Variants in MOK observed in about 807,000 individuals in gnomAD.
MOK encodes MOK protein kinase.
MOK carries 59 observed loss-of-function variants against 54.2 expected under a neutral mutation model. That is an observed-to-expected ratio of 1.09 (90% CI 0.88 to 1.35). The LOEUF (loss-of-function observed/expected upper bound fraction) is 1.35. MOK is among the 40% of genes most tolerant of loss of function. The pLI is 0.00. For missense variants in MOK, 517 were observed against 526.2 expected (o/e 0.98, Z 0.17); for synonymous variants, 210 against 202.7 (o/e 1.04, Z -0.31).
At position 102,229,541 on chromosome 14, in the gene MOK, G is replaced by A. The variant is rs148491268; in HGVS notation, c.1098C>T (p.Pro366=). ...GVVRLSSYSS[P]TLQSVLGSGT... is the part of the protein sequence containing the mutation. ...CAGATCCAAGCACGGACTGCAGCGT[G>A]GGGCTGGAGTAAGACGACAGTCTGA... Residue 366 remains proline (P), a synonymous_variant, in exon 11 of 12, where the codon CCC becomes CCT. Transcript: ENST00000361847. The A allele has an allele frequency of 6.8e-6, 11 of 1,614,054 alleles. No homozygotes were observed. Among genetic ancestry groups the A allele is most frequent in the African/African-American group, 1.3e-5 (1 of 74,942 alleles).
At chr14:102,293,759 T>C (rs921510364) in intron 1 of MOK, among the ~76,000 whole-genome samples, 7 of 126,400 alleles carry the variant, frequency 5.5e-5, no homozygotes, top group African/African-American at 2.0e-4. Context: ...AAAGACTGAA[T>C]ATAAATATGT....
chr14:102,278,044 C>T (rs768389174), intron 2 of MOK, among the ~76,000 whole-genome samples: 6 of 152,016 alleles, frequency 3.9e-5, no homozygotes, highest in South Asian at 2.1e-4. Context: ...AGAGAACATG[C>T]GACCTCTCTC....
At chr14:102,284,816 G>A (rs1370984605) in intron 1 of MOK, among the ~76,000 whole-genome samples, 1 of 152,048 alleles carries the variant, frequency 6.6e-6, no homozygotes, top group East Asian at 1.9e-4. Flanking sequence ...GGTGGCTCAC[G>A]CCTGTAATCC....
chr14:102,241,811 C>G (rs1185399455), intron 7 of MOK, among the ~76,000 whole-genome samples: 3 of 152,208 alleles, frequency 2.0e-5, no homozygotes, highest in South Asian at 4.1e-4. Flanking sequence ...AGACAAACCC[C>G]AGCCACATCT....
intron 1 of MOK, among the ~76,000 whole-genome samples, chr14:102,292,730 T>C (rs2070902331): frequency 6.6e-6 from 1 of 151,852 alleles, no homozygotes. Flanking sequence ...TCTTGTGCCA[T>C]TACACTTAGA....
intron 4 of MOK, among the ~76,000 whole-genome samples, chr14:102,261,296 G>T (rs1449636866): frequency 1.5e-5 from 2 of 134,002 alleles, no homozygotes; most frequent in Admixed American, 7.8e-5. Flanking sequence ...GCACATGCCT[G>T]TAGTCCCAGC....
At chr14:102,267,647 G>A (rs1261293767) in intron 2 of MOK, among the ~76,000 whole-genome samples, 1 of 152,154 alleles carries the variant, frequency 6.6e-6, no homozygotes, top group Non-Finnish European at 1.5e-5. Context: ...TATTTAAGAA[G>A]AGCCTGAAAA....
chr14:102,271,120 G>A (rs886310859), intron 2 of MOK, among the ~76,000 whole-genome samples: 1 of 152,192 alleles, frequency 6.6e-6, no homozygotes, highest in South Asian at 2.1e-4. Flanking sequence ...AGGAGGCAGA[G>A]GTTGCAGCTA....
downstream of MOK, among the ~76,000 whole-genome samples, chr14:102,222,334 C>A (rs1032160980): frequency 6.6e-6 from 1 of 152,250 alleles, no homozygotes; most frequent in Non-Finnish European, 1.5e-5. The surrounding 1 kb of genome is among the most constrained non-coding windows in gnomAD (Gnocchi z 4.4). Context: ...TCACACCACC[C>A]AACAAAGCAA....
intron 4 of MOK, among the ~76,000 whole-genome samples, chr14:102,257,391 T>C (rs536866635): frequency 6.6e-6 from 1 of 151,880 alleles, no homozygotes; most frequent in African/African-American, 2.4e-5. Flanking sequence ...GAGAGCAGAG[T>C]TGTGAGAAGC....
rs755543077 is a variant in MOK, at chr14:102,229,593, A to C, written c.1046T>G (p.Leu349Arg). The change falls in exon 11 of 12, where the codon CTG becomes CGG. Residue 349 changes from leucine (L) to arginine (R), a missense_variant. Physicochemically the swap from Leu to Arg is moderately radical, Grantham distance 102. Coordinates refer to ENST00000361847, the MANE Select transcript of MOK (RefSeq NM_014226.3). ...KRRGPAYVME[L>R]PKLKLSGVVR... is the part of the protein sequence containing the mutation. Reference sequence around the variant, plus strand: ...CACTCCCGAAAGCTTTAGTTTGGGCAGTTCCATGACATAGGCCGGTCCTCG... The same window carrying C: ...CACTCCCGAAAGCTTTAGTTTGGGCCGTTCCATGACATAGGCCGGTCCTCG... 6.8e-6 allele frequency: 11 copies of C among 1,614,126 alleles called. No homozygotes were observed. The African/African-American group carries it at 1.5e-4, about 22-fold the overall frequency.
At chr14:102,265,722 C>A in intron 3 of MOK, 101 bp downstream of exon 3, 1 of 930,790 alleles carries the variant, frequency 1.1e-6, no homozygotes, top group East Asian at 2.6e-5. Context: ...ACTCTCTGAG[C>A]TACAAAGTAA....
chr14:102,233,638 G>T, intron 8 of MOK, 50 bp downstream of exon 8: 3 of 1,501,102 alleles, frequency 2.0e-6, no homozygotes, highest in South Asian at 1.1e-5. Flanking sequence ...CCTGCTGCAG[G>T]TCCTAGCAGG....
chr14:102,232,716 A>G lies in MOK; in HGVS notation c.693-8T>C, dbSNP rs1434062214. 1 of 1,609,188 alleles carries G rather than the reference A, an allele frequency of 6.2e-7. No individual in the cohort carries two copies. The highest frequency in any genetic ancestry group is 1.3e-5 in the African/African-American group (1 of 74,880). ...AAATTCATAGCTCTCGACCTGTATT[A>G]AAAACCCAATGATAATAAATGGTCA... is the stretch of plus-strand genomic sequence containing the variant. On this transcript the variant is annotated splice_polypyrimidine_tract_variant and splice_region_variant and intron_variant, in intron 8 of 11. Coordinates refer to ENST00000361847, the MANE Select transcript of MOK (RefSeq NM_014226.3). This position sits in a 1 kb window ranked among gnomAD's most constrained non-coding sequence, Gnocchi z 5.1.
chr14:102,279,670 C>A (rs2069212886), intron 2 of MOK, among the ~76,000 whole-genome samples: 1 of 151,924 alleles, frequency 6.6e-6, no homozygotes. Flanking sequence ...TGAGGATATA[C>A]CAGAAAAGAT....
At chr14:102,263,355 T>G (rs2067630067) in intron 4 of MOK, among the ~76,000 whole-genome samples, 191 bp downstream of exon 4, 1 of 152,264 alleles carries the variant, frequency 6.6e-6, no homozygotes, top group South Asian at 2.1e-4. Context: ...GCTTCCTTTC[T>G]TGTTTGCAGC....
At chr14:102,257,517 T>A (rs1177666240) in intron 4 of MOK, among the ~76,000 whole-genome samples, 2 of 152,242 alleles carry the variant, frequency 1.3e-5, no homozygotes, top group East Asian at 3.9e-4. Flanking sequence ...GGGGAGGCTG[T>A]TATTTGCAAC....
intron 1 of MOK, among the ~76,000 whole-genome samples, chr14:102,290,283 T>C (rs535061242): frequency 2.6e-5 from 4 of 151,410 alleles, no homozygotes; most frequent in Non-Finnish European, 5.9e-5. Flanking sequence ...CTACTAAAAA[T>C]ACAAAATTAG....
rs143723918 is a variant in MOK at position 102,284,961 on chromosome 14, T to C, written c.8-1369A>G. Among the ~76,000 whole-genome samples the C allele has an allele frequency of 4.6e-3, 705 of 151,686 alleles. 6 individuals are homozygous for C. The highest frequency in any genetic ancestry group is 0.016 in the African/African-American group (654 of 41,350). On this transcript the variant is annotated intron_variant, in intron 1 of 11. Transcript: ENST00000361847. ...AGCCAGGCGTGGTGGCATGCACCTG[T>C]AGTCCCGGCCACTTGGGAGGGTGGG...
Sources: gnomAD v4.1 joint callset for allele counts (sites outside exome capture counted in the v4.1 genomes callset) on GRCh38, gnomAD v4.1.1 for gene constraint, Gnocchi (gnomAD v3.1) non-coding constraint, MANE v1.5 for transcripts, NCBI Gene and HGNC (gene_info 2026-07-23, HGNC 2026-07-21) for gene names.